Variants in DYNLT5 observed in about 807,000 individuals in gnomAD.
The protein encoded by DYNLT5 is dynein light chain Tctex-type family member 5, also known as dynein light chain Tctex-type 5.
DYNLT5 carries 25 observed loss-of-function variants against 19.3 expected under a neutral mutation model. That is an observed-to-expected ratio of 1.30 (90% CI 0.95 to 1.81). The LOEUF is 1.81. Ranked by LOEUF, DYNLT5 falls within the 40% of genes most tolerant of loss-of-function variation. The pLI, the probability that DYNLT5 is intolerant of heterozygous loss-of-function variation, is 0.00. For missense variants in DYNLT5, 232 were observed against 217.9 expected (o/e 1.06, Z -0.41); for synonymous variants, 82 against 68.9 (o/e 1.19, Z -0.94).
chr1:66,757,142 G>A (rs552481352), intron 2 of DYNLT5, among the ~76,000 whole-genome samples: 21 of 152,154 alleles, frequency 1.4e-4, no homozygotes, highest in Admixed American at 3.3e-4. Flanking sequence ...TCTTTTTAGC[G>A]GTAACCACAC....
chr1:66,775,197 A>T (rs1258418597), intron 3 of DYNLT5: 1 of 152,234 alleles, frequency 6.6e-6, no homozygotes, highest in Non-Finnish European at 1.5e-5. Flanking sequence ...CTAGCATCAG[A>T]TAAACCTGGG....
chr1:66,753,633 C>T (rs1422674486), intron 1 of DYNLT5, among the ~76,000 whole-genome samples: 1 of 152,068 alleles, frequency 6.6e-6, no homozygotes, highest in Non-Finnish European at 1.5e-5. Context: ...TTTCTAGCTC[C>T]CTACCCCTAA....
At chr1:66,769,200 T>C (rs1016276055) in intron 2 of DYNLT5, among the ~76,000 whole-genome samples, 36 of 152,144 alleles carry the variant, frequency 2.4e-4, no homozygotes, top group African/African-American at 8.2e-4. Flanking sequence ...GCAGGTGTTA[T>C]AAGAATAAAG....
chr1:66,769,431 A>G (rs79417873), intron 2 of DYNLT5, among the ~76,000 whole-genome samples: 11,354 of 152,210 alleles, frequency 0.075, 939 homozygotes, highest in African/African-American at 0.21. Context: ...TCCTTGCAAG[A>G]AAAAAGATCC....
At chr1:66,774,467 A>T (rs116738142) in intron 3 of DYNLT5, among the ~76,000 whole-genome samples, 1 of 152,216 alleles carries the variant, frequency 6.6e-6, no homozygotes, top group African/African-American at 2.4e-5. Flanking sequence ...AACAATTTCT[A>T]TATTATCATC....
At chr1:66,770,959 C>T (rs566767995) in intron 3 of DYNLT5, 8 of 178,900 alleles carry the variant, frequency 4.5e-5, no homozygotes, top group Non-Finnish European at 9.4e-5. Flanking sequence ...TTTGCACCTG[C>T]CGCTATACTC....
chr1:66,777,522 G>A lies in DYNLT5; in HGVS notation c.*68G>A. The A allele has an allele frequency of 4.3e-6, 6 of 1,387,480 alleles. No individual in the cohort carries two copies. In the South Asian group the frequency reaches 7.2e-5, roughly 17 times the overall value. The allele number at this position is 1,387,480 out of a possible 1,614,324, so 85.9% of individuals were successfully genotyped here. On this transcript the variant is annotated 3_prime_UTR_variant, in exon 5 of 5. Coordinates refer to ENST00000282670, the MANE Select transcript of DYNLT5 (RefSeq NM_152665.3). The stretch of plus-strand genomic sequence containing the variant: ...GCAGGCTGTATGTCTGTACACAAAA[G>A]TTTTACTGCCAAAAACTTTGAGAAA...
At chr1:66,767,469 G>T (rs1241004235) in intron 2 of DYNLT5, among the ~76,000 whole-genome samples, 2 of 152,004 alleles carry the variant, frequency 1.3e-5, no homozygotes, top group Admixed American at 1.3e-4. Context: ...TGTTACCTAG[G>T]CTGGTCTTGA....
chr1:66,778,082 C>T lies in DYNLT5; in HGVS notation c.*628C>T, dbSNP rs918974794. 6.6e-6 allele frequency: 1 copy of T among 152,608 alleles called. No homozygotes were observed. The allele number at this position is 152,608 out of a possible 1,614,324, so 9.5% of individuals were successfully genotyped here. A position where few individuals can be genotyped will look rare whatever the true frequency, so the allele number is the denominator to read the frequency against. ...TCTTGTGGCTTGCCTGCACTTTACA[C>T]AATTGTGGGAGAACCGAAAGTTGGC... On this transcript the variant is annotated 3_prime_UTR_variant, in exon 5 of 5. Coordinates refer to ENST00000282670, the MANE Select transcript of DYNLT5 (RefSeq NM_152665.3).
intron 2 of DYNLT5, among the ~76,000 whole-genome samples, chr1:66,756,133 GA>G (rs1399701049): frequency 6.6e-6 from 1 of 152,032 alleles, no homozygotes. Flanking sequence ...TTAAAAATAA[GA>G]ATACAAAAAT....
At chr1:66,776,577 G>GTGTA (rs1311763341) in intron 4 of DYNLT5, among the ~76,000 whole-genome samples, 174 bp downstream of exon 4, 1 of 151,754 alleles carries the variant, frequency 6.6e-6, no homozygotes, top group East Asian at 1.9e-4. Flanking sequence ...GTGTGTGTGT[G>GTGTA]TATATACATA....
At chr1:66,764,615 G>GA (rs1236007859) in intron 2 of DYNLT5, among the ~76,000 whole-genome samples, 1 of 152,160 alleles carries the variant, frequency 6.6e-6, no homozygotes, top group Non-Finnish European at 1.5e-5. Context: ...GATGTAATAT[G>GA]AAAATCTAAA....
chr1:66,757,415 C>A (rs2094638200), intron 2 of DYNLT5, among the ~76,000 whole-genome samples: 3 of 152,050 alleles, frequency 2.0e-5, no homozygotes. Context: ...GTTATCTTTT[C>A]AATTTAATGT....
chr1:66,770,556 C>T (rs1645198115), intron 3 of DYNLT5, 78 bp downstream of exon 3: 3 of 1,088,304 alleles, frequency 2.8e-6, no homozygotes, highest in African/African-American at 1.5e-5. Flanking sequence ...TATTTGATAA[C>T]CTGGCATTGT....
chr1:66,752,614 G>GCAGCC, intron 1 of DYNLT5, 30 bp downstream of exon 1: 1 of 984,344 alleles, frequency 1.0e-6, no homozygotes, highest in Middle Eastern at 5.2e-4. Flanking sequence ...CAGCGCGTCT[G>GCAGCC]GACCCCAAAG....
At chr1:66,754,628 G>C in intron 1 of DYNLT5, 28 bp from the exon 2 acceptor site, 1 of 1,573,450 alleles carries the variant, frequency 6.4e-7, no homozygotes, top group South Asian at 1.2e-5. Flanking sequence ...TCTTTCTTTT[G>C]CTATTTTACA....
intron 2 of DYNLT5, among the ~76,000 whole-genome samples, chr1:66,765,749 C>T (rs899599565): frequency 2.6e-5 from 4 of 151,598 alleles, no homozygotes; most frequent in Non-Finnish European, 5.9e-5. Flanking sequence ...AATTCTCCGG[C>T]CTCAGCCTCT....
At chr1:66,770,295 T>G (rs1263108364) in intron 2 of DYNLT5, 92 bp from the exon 3 acceptor site, 1 of 871,564 alleles carries the variant, frequency 1.1e-6, no homozygotes, top group African/African-American at 1.7e-5. Context: ...TGAGAAAACT[T>G]CATCTTTGTA....
At position 66,778,688 on chromosome 1, in the gene DYNLT5, T is replaced by C. The variant is rs376987246; in HGVS notation, c.*1234T>C. ...GCTTTAATTTTAAAATGTTTTGGTGTCTTACTTTTCCCTAAAAATGACATG... is the reference window on the plus strand; with the variant it reads ...GCTTTAATTTTAAAATGTTTTGGTGCCTTACTTTTCCCTAAAAATGACATG... On this transcript the variant is annotated 3_prime_UTR_variant, in exon 5 of 5. Transcript: ENST00000282670. The C allele has an allele frequency of 2.6e-5, 4 of 152,750 alleles. No individual in the cohort carries two copies. Among genetic ancestry groups the C allele is most frequent in the East Asian group, 3.9e-4 (2 of 5,194 alleles). The allele number at this position is 152,750 out of a possible 1,614,324, so 9.5% of individuals were successfully genotyped here. A position where few individuals can be genotyped will look rare whatever the true frequency, so the allele number is the denominator to read the frequency against.
Sources: gnomAD v4.1 joint callset for allele counts (sites outside exome capture counted in the v4.1 genomes callset) on GRCh38, gnomAD v4.1.1 for gene constraint, MANE v1.5 for transcripts, NCBI Gene and HGNC (gene_info 2026-07-23, HGNC 2026-07-21) for gene names.